The following GNAT1 variants were observed in gnomAD, a reference collection of about 807,000 sequenced individuals.
The protein encoded by GNAT1 is guanine nucleotide-binding protein G(t) subunit alpha-1.
In GNAT1, 36 loss-of-function variants were observed where a neutral mutation model predicts 40.0. That is an observed-to-expected ratio of 0.90 (90% CI 0.69 to 1.19). GNAT1 has a LOEUF of 1.19. Among genes scored for constraint, GNAT1 ranks in the 50% most tolerant of loss-of-function variants. GNAT1 has a pLI of 0.00. For synonymous variants in GNAT1, 195 were observed against 192.9 expected (o/e 1.01, Z -0.09); for missense variants, 413 against 480.6 (o/e 0.86, Z 1.32).
In GNAT1 at chr3:50,194,581, C is replaced by T. The variant is rs1354854531; in HGVS notation, c.789C>T (p.Phe263=). The stretch of plus-strand genomic sequence containing the variant: ...TCGCCACGACGTCCATCGTGCTCTT[C>T]CTTAACAAGAAGGACGTCTTCTTCG... ...RYFATTSIVL[F]LNKKDVFFEK... is the part of the protein sequence containing the mutation. Residue 263 remains phenylalanine (F), a synonymous_variant, in exon 7 of 9, where the codon TTC becomes TTT. Transcript: ENST00000232461. This position sits in a 1 kb window ranked among gnomAD's most constrained non-coding sequence, Gnocchi z 6.1. 3 of 1,613,602 alleles carry T rather than the reference C, an allele frequency of 1.9e-6. No homozygotes were observed. Among genetic ancestry groups the T allele is most frequent in the Non-Finnish European group, 8.5e-7 (1 of 1,179,580 alleles).
chr3:50,193,316 C>T lies in GNAT1; in HGVS notation c.201C>T (p.Ala67=). 3 of 1,614,108 alleles carry T rather than the reference C, an allele frequency of 1.9e-6. No individual in the cohort carries two copies. Among genetic ancestry groups the T allele is most frequent in the Non-Finnish European group, 8.5e-7 (1 of 1,179,950 alleles). The change falls in exon 3 of 9, where the codon GCC becomes GCT. Residue 67 remains alanine, a synonymous_variant. Coordinates refer to ENST00000232461, the MANE Select transcript of GNAT1 (RefSeq NM_144499.3). This position sits in a 1 kb window ranked among gnomAD's most constrained non-coding sequence, Gnocchi z 8.1. ...YSLEECLEFI[A]IIYGNTLQSI... is the part of the protein sequence containing the mutation. ...TGGAAGAGTGCCTCGAGTTTATCGC[C>T]ATCATCTACGGCAACACGTTGCAGT...
In GNAT1 at chr3:50,193,308, T is replaced by C. The variant is rs1352647422; in HGVS notation, c.193T>C (p.Phe65Leu). 1 of 1,613,898 alleles carries C rather than the reference T, an allele frequency of 6.2e-7. No individual in the cohort carries two copies. The highest frequency in any genetic ancestry group is 8.5e-7 in the Non-Finnish European group (1 of 1,179,938). Residue 65 changes from phenylalanine (F) to leucine (L), a missense_variant, in exon 3 of 9, where the codon TTT becomes CTT. Physicochemically the swap from Phe to Leu is conservative, Grantham distance 22. Transcript: ENST00000232461. This position sits in a 1 kb window ranked among gnomAD's most constrained non-coding sequence, Gnocchi z 8.1. ...GTACTCGCTGGAAGAGTGCCTCGAG[T>C]TTATCGCCATCATCTACGGCAACAC... ...DGYSLEECLE[F>L]IAIIYGNTLQ... is the part of the protein sequence containing the mutation.
At chr3:50,191,998 G>A (rs1162349255) in intron 1 of GNAT1, among the ~76,000 whole-genome samples, 167 bp downstream of exon 1, 1 of 152,118 alleles carries the variant, frequency 6.6e-6, no homozygotes, top group African/African-American at 2.4e-5. Flanking sequence ...CTGACAGGTG[G>A]TGTCCTAGTC....
In GNAT1 at chr3:50,193,574, G is replaced by A. The variant is rs745403943; in HGVS notation, c.360G>A (p.Ser120=). 20 of 1,613,060 alleles carry A rather than the reference G, an allele frequency of 1.2e-5. No individual in the cohort carries two copies. The highest frequency in any genetic ancestry group is 1.4e-5 in the Non-Finnish European group (17 of 1,179,896). ...IEEGTMPKEM[S]DIIQRLWKDS... ...AGGGCACGATGCCCAAGGAGATGTC[G>A]GACATCATCCAGCGGCTGTGGAAGG... Residue 120 remains serine (S), a synonymous_variant, in exon 4 of 9, where the codon TCG becomes TCA. Transcript: ENST00000232461. The surrounding 1 kb of genome is among the most constrained non-coding windows in gnomAD (Gnocchi z 8.1).
Position 50,194,887 on chromosome 3 carries a change from A to T in GNAT1, c.985A>T (p.Lys329Ter). The T allele has an allele frequency of 6.2e-7, 1 of 1,613,954 alleles. No individual in the cohort carries two copies. Among genetic ancestry groups the T allele is most frequent in the Non-Finnish European group, 8.5e-7 (1 of 1,179,972 alleles). ...GTGCGCCACCGACACGCAGAACGTC[A>T]AATTTGTCTTCGACGCTGTCACCGA... ...MTCATDTQNVKFVFDAVTDII... is the reference protein window; with the variant it reads ...MTCATDTQNV Residue 329 changes from lysine to a stop codon, truncating the protein, a stop_gained, in exon 8 of 9, where the codon AAA becomes TAA. Coordinates refer to ENST00000232461, the MANE Select transcript of GNAT1 (RefSeq NM_144499.3). LOFTEE classifies it high-confidence loss of function. The surrounding 1 kb of genome is among the most constrained non-coding windows in gnomAD (Gnocchi z 6.1).
At chr3:50,192,207 C>A (rs1356926367) in intron 1 of GNAT1, among the ~76,000 whole-genome samples, 2 of 152,212 alleles carry the variant, frequency 1.3e-5, no homozygotes, top group African/African-American at 2.4e-5. Context: ...AGGAGCCTCA[C>A]TGGGAGCCCG....
rs1293620319 is a variant in GNAT1, at chr3:50,193,763, G to T, written c.460G>T (p.Asp154Tyr). ...LNDSAGYYLS[D>Y]LERLVTPGYV... ...CCGGGTCTCGCGCAGCTACCTCTCC[G>T]ACCTGGAGCGCCTGGTAACCCCGGG... The change falls in exon 5 of 9, where the codon GAC (aspartate) becomes TAC (tyrosine). Residue 154 changes from aspartate (D) to tyrosine (Y), a missense_variant. Asp to Tyr is a radical substitution (Grantham distance 160, BLOSUM62 -3). Transcript: ENST00000232461. The surrounding 1 kb of genome is among the most constrained non-coding windows in gnomAD (Gnocchi z 8.1). 5.6e-6 allele frequency: 9 copies of T among 1,611,308 alleles called. No individual in the cohort carries two copies. Among genetic ancestry groups the T allele is most frequent in the Middle Eastern group, 1.7e-4 (1 of 6,048 alleles).
rs1699503574 is a variant in GNAT1 at position 50,196,410 on chromosome 3, C to T, written c.*1144C>T. The T allele has an allele frequency of 1.3e-5, 2 of 152,710 alleles. No homozygotes were observed. Among genetic ancestry groups the T allele is most frequent in the African/African-American group, 4.8e-5 (2 of 41,462 alleles). 9.5% of individuals were successfully genotyped at this position (152,710 alleles called of 1,614,324 possible). A position where few individuals can be genotyped will look rare whatever the true frequency, so the allele number is the denominator to read the frequency against. On this transcript the variant is annotated 3_prime_UTR_variant, in exon 9 of 9. Coordinates refer to ENST00000232461, the MANE Select transcript of GNAT1 (RefSeq NM_144499.3). ...TTTGCTTATGTCCACAGGCCAGGGC[C>T]TGTGCTGCAGTCGGGGACAAGGAGC... is the stretch of plus-strand genomic sequence containing the variant.
At position 50,194,998 on chromosome 3, in the gene GNAT1, G is replaced by A. The variant is rs765987827; in HGVS notation, c.*1+42G>A. On this transcript the variant is annotated intron_variant, in intron 8 of 8. Coordinates refer to ENST00000232461, the MANE Select transcript of GNAT1 (RefSeq NM_144499.3). The surrounding 1 kb of genome is among the most constrained non-coding windows in gnomAD (Gnocchi z 6.1). Reference sequence around the variant, plus strand: ...TCCAGGCTCTTGCCTCAATACCCCAGCCCCGTCCAGCTCCCCACCCCACAC... The same window carrying A: ...TCCAGGCTCTTGCCTCAATACCCCAACCCCGTCCAGCTCCCCACCCCACAC... 7.2e-7 allele frequency: 1 copy of A among 1,397,604 alleles called. No individual in the cohort carries two copies. The highest frequency in any genetic ancestry group is 1.0e-6 in the Non-Finnish European group (1 of 1,002,436). The allele number at this position is 1,397,604 out of a possible 1,614,324, so 86.6% of individuals were successfully genotyped here. A position where few individuals can be genotyped will look rare whatever the true frequency, so the allele number is the denominator to read the frequency against.
In GNAT1 at chr3:50,193,609, T is replaced by G. The variant is rs141497735; in HGVS notation, c.395T>G (p.Ile132Ser). ...CAGCGGCTGTGGAAGGACTCCGGTA[T>G]CCAGGCCTGTTTTGAGCGCGCCTCG... ...IIQRLWKDSG[I>S]QACFERASEY... Residue 132 changes from isoleucine (I) to serine (S), a missense_variant, in exon 4 of 9, where the codon ATC becomes AGC. By Grantham distance (142) the Ile-to-Ser change is moderately radical. Transcript: ENST00000232461. This position sits in a 1 kb window ranked among gnomAD's most constrained non-coding sequence, Gnocchi z 8.1. 432 of 1,612,794 alleles carry G rather than the reference T, an allele frequency of 2.7e-4. No homozygotes were observed. The highest frequency in any genetic ancestry group is 1.0e-3 in the Admixed American group (60 of 60,022).
At position 50,194,362 on chromosome 3, in the gene GNAT1, C is replaced by A; in HGVS notation, c.709-139C>A. 1 of 1,384,240 alleles carries A rather than the reference C, an allele frequency of 7.2e-7. No homozygotes were observed. Among genetic ancestry groups the A allele is most frequent in the South Asian group, 1.2e-5 (1 of 80,954 alleles). The allele number at this position is 1,384,240 out of a possible 1,614,324, so 85.7% of individuals were successfully genotyped here. A position where few individuals can be genotyped will look rare whatever the true frequency, so the allele number is the denominator to read the frequency against. On this transcript the variant is annotated intron_variant, in intron 6 of 8. Transcript: ENST00000232461. This position sits in a 1 kb window ranked among gnomAD's most constrained non-coding sequence, Gnocchi z 6.1. Reference sequence around the variant, plus strand: ...CGGCCTGAGGAGGCCCGGAGGCGTTCAGCAGGCCCATCTGGGGCAGTGCGG... The same window carrying A: ...CGGCCTGAGGAGGCCCGGAGGCGTTAAGCAGGCCCATCTGGGGCAGTGCGG...
Position 50,193,291 on chromosome 3 carries a change from T to C in GNAT1, c.176T>C (p.Leu59Pro). ...ATTATCCACCAGGACGGGTACTCGC[T>C]GGAAGAGTGCCTCGAGTTTATCGCC... The part of the protein sequence containing the change: ...MKIIHQDGYS[L>P]EECLEFIAII... Residue 59 changes from leucine to proline, a missense_variant, in exon 3 of 9, where the codon CTG becomes CCG. Transcript: ENST00000232461. The surrounding 1 kb of genome is among the most constrained non-coding windows in gnomAD (Gnocchi z 8.1). The C allele has an allele frequency of 6.2e-7, 1 of 1,614,160 alleles. No individual in the cohort carries two copies. Among genetic ancestry groups the C allele is most frequent in the Non-Finnish European group, 8.5e-7 (1 of 1,179,988 alleles).
intron 1 of GNAT1, chr3:50,192,927 T>G (rs1699434196): frequency 1.6e-6 from 1 of 622,764 alleles, no homozygotes; most frequent in East Asian, 2.7e-5. Context: ...TTCTTCACTT[T>G]CCTGGCATTT....
chr3:50,192,687 C>T (rs369538855), intron 1 of GNAT1: 40 of 296,304 alleles, frequency 1.3e-4, no homozygotes, highest in East Asian at 8.1e-4. Context: ...GAGCTAATTC[C>T]CTCTGAGCCT....
Position 50,194,751 on chromosome 3 carries a change from T to C in GNAT1, c.863-14T>C, listed in dbSNP as rs748662650. 20 of 1,612,978 alleles carry C rather than the reference T, an allele frequency of 1.2e-5. No homozygotes were observed. Among genetic ancestry groups the C allele is most frequent in the Non-Finnish European group, 1.6e-5 (19 of 1,179,732 alleles). ...AGGAAGGGCTGAGCAGAGTGAGAGC[T>C]CCCGCCCCCGCAGGACCCAACACCT... On this transcript the variant is annotated splice_polypyrimidine_tract_variant and intron_variant, in intron 7 of 8. Transcript: ENST00000232461. The surrounding 1 kb of genome is among the most constrained non-coding windows in gnomAD (Gnocchi z 6.1).
Position 50,193,430 on chromosome 3 carries a change from G to C in GNAT1, c.291+24G>C, listed in dbSNP as rs762124086. 1 of 1,613,442 alleles carries C rather than the reference G, an allele frequency of 6.2e-7. No homozygotes were observed. On this transcript the variant is annotated intron_variant, in intron 3 of 8. Coordinates refer to ENST00000232461, the MANE Select transcript of GNAT1 (RefSeq NM_144499.3). The surrounding 1 kb of genome is among the most constrained non-coding windows in gnomAD (Gnocchi z 8.1). ...AGGTGTGCCAGGAGGCGGGCTGAGC[G>C]GGCCTCTGGGGACTCGAGGCTCGCG...
intron 1 of GNAT1, 65 bp downstream of exon 1, chr3:50,191,896 C>A: frequency 9.6e-7 from 1 of 1,044,504 alleles, no homozygotes; most frequent in Non-Finnish European, 1.5e-6. Context: ...AGGCAGGCAG[C>A]CCTTCTGTGA....
rs760015293 is a variant in GNAT1 at position 50,193,187 on chromosome 3, T to C, written c.149+12T>C. The C allele has an allele frequency of 1.2e-6, 2 of 1,613,930 alleles. No individual in the cohort carries two copies. The highest frequency in any genetic ancestry group is 1.7e-6 in the Non-Finnish European group (2 of 1,179,960). Reference sequence around the variant, plus strand: ...GTCAAGCAGATGAAGTGAGTGCCCCTGCCTGTCCCGAGGCCCCTGGGTCTG... The same window carrying C: ...GTCAAGCAGATGAAGTGAGTGCCCCCGCCTGTCCCGAGGCCCCTGGGTCTG... On this transcript the variant is annotated intron_variant, in intron 2 of 8. Transcript: ENST00000232461. The surrounding 1 kb of genome is among the most constrained non-coding windows in gnomAD (Gnocchi z 8.1).
chr3:50,196,933 C>T lies in GNAT1; in HGVS notation c.*1667C>T, dbSNP rs547792902. Among the ~76,000 whole-genome samples, 3 of 152,060 alleles carry T rather than the reference C, an allele frequency of 2.0e-5. No homozygotes were observed. The highest frequency in any genetic ancestry group is 2.9e-5 in the Non-Finnish European group (2 of 68,004). On this transcript the variant is annotated 3_prime_UTR_variant, in exon 9 of 9. Coordinates refer to ENST00000232461, the MANE Select transcript of GNAT1 (RefSeq NM_144499.3). ...GGTGATGGAGAGTCTTGGAAGCCCTCGAGGCAGGAACATAATTGCAGGGCT... is the reference window on the plus strand; with the variant it reads ...GGTGATGGAGAGTCTTGGAAGCCCTTGAGGCAGGAACATAATTGCAGGGCT...
Sources: gnomAD v4.1 joint callset for allele counts (sites outside exome capture counted in the v4.1 genomes callset) on GRCh38, gnomAD v4.1.1 for gene constraint, Gnocchi (gnomAD v3.1) non-coding constraint, MANE v1.5 for transcripts, NCBI Gene and HGNC (gene_info 2026-07-23, HGNC 2026-07-21) for gene names.